The following ULK4 variants were observed in gnomAD, a reference collection of about 807,000 sequenced individuals.
ULK4 encodes unc-51 like kinase 4, also known as inactive serine/threonine-protein kinase ULK4.
Under a neutral mutation model 160.6 loss-of-function variants are expected in ULK4, and 133 were observed. That is an observed-to-expected ratio of 0.83 (90% confidence interval 0.72 to 0.96). The LOEUF is 0.96. Ranked by LOEUF, ULK4 falls within the 40% of genes least tolerant of loss-of-function variation. The pLI, the probability that ULK4 is intolerant of heterozygous loss-of-function variation, is 0.00. For missense variants in ULK4, 1,580 were observed against 1,499.5 expected, an observed-to-expected ratio of 1.05 and a Z score of -0.89; for synonymous variants, 534 against 539.8, an observed-to-expected ratio of 0.99 and a Z score of 0.15.
intron 32 of ULK4, among the ~76,000 whole-genome samples, chr3:41,557,993 A>C (rs2087365829): frequency 6.6e-6 from 1 of 152,120 alleles, no homozygotes. Context: ...ATCCAAAGAC[A>C]AGCAATCTCA....
intron 17 of ULK4, among the ~76,000 whole-genome samples, chr3:41,854,429 T>A (rs963890480): frequency 6.6e-6 from 1 of 152,076 alleles, no homozygotes; most frequent in African/African-American, 2.4e-5. Context: ...GATCTGGGAT[T>A]AGTAAAGGCC....
At chr3:41,421,028 T>A (rs1399241925) in intron 34 of ULK4, among the ~76,000 whole-genome samples, 1 of 151,632 alleles carries the variant, frequency 6.6e-6, no homozygotes, top group African/African-American at 2.4e-5. Context: ...GCAGAAGAAT[T>A]GCTTGAGCCT....
At chr3:41,438,928 G>A (rs1435998156) in intron 34 of ULK4, among the ~76,000 whole-genome samples, 1 of 151,186 alleles carries the variant, frequency 6.6e-6, no homozygotes, top group Non-Finnish European at 1.5e-5. Flanking sequence ...ATTCCATATG[G>A]TTAGCATAAT....
chr3:41,371,322 G>T (rs1382162905), intron 35 of ULK4, among the ~76,000 whole-genome samples: 1 of 152,184 alleles, frequency 6.6e-6, no homozygotes, highest in East Asian at 1.9e-4. Flanking sequence ...TCCTCAAGTG[G>T]GTCCCTGACC....
intron 30 of ULK4, among the ~76,000 whole-genome samples, chr3:41,640,498 C>A (rs535346016): frequency 6.6e-6 from 1 of 152,174 alleles, no homozygotes; most frequent in Non-Finnish European, 1.5e-5. Flanking sequence ...AAGCCTAAGG[C>A]TCTTCCTAGC....
At chr3:41,449,300 C>A (rs565426633) in intron 34 of ULK4, among the ~76,000 whole-genome samples, 1 of 152,064 alleles carries the variant, frequency 6.6e-6, no homozygotes, top group Admixed American at 6.6e-5. Flanking sequence ...TGGGCTCAAG[C>A]GATCCTCTTG....
chr3:41,271,025 C>A lies in ULK4; in HGVS notation c.3679-21451G>T, dbSNP rs575307518. 3.3e-5 allele frequency among the ~76,000 whole-genome samples: 5 copies of A among 152,172 alleles called. No individual in the cohort carries two copies. The East Asian group carries it at 5.8e-4, about 18-fold the overall frequency. ...ATTTTTCTATGTCCTTTTTCTATGT[C>A]TTTCTCACATTCTACTCTGTCTTAA... On this transcript the variant is annotated intron_variant, in intron 35 of 36. Coordinates refer to ENST00000301831, the MANE Select transcript of ULK4 (RefSeq NM_017886.4).
At chr3:41,917,133 A>G (rs1368515421) in intron 7 of ULK4, among the ~76,000 whole-genome samples, 7 of 152,226 alleles carry the variant, frequency 4.6e-5, no homozygotes, top group Non-Finnish European at 1.0e-4. Context: ...GACACTGTCC[A>G]ATACCACTAA....
At chr3:41,838,720 C>G (rs900100304) in intron 17 of ULK4, among the ~76,000 whole-genome samples, 2 of 152,150 alleles carry the variant, frequency 1.3e-5, no homozygotes, top group East Asian at 3.8e-4. Context: ...TATCACTCAA[C>G]AAAAGAGCTG....
intron 22 of ULK4, among the ~76,000 whole-genome samples, chr3:41,751,762 CAGA>C (rs904670643): frequency 2.0e-5 from 3 of 152,138 alleles, no homozygotes; most frequent in African/African-American, 7.2e-5. Context: ...GAGTGGCTCT[CAGA>C]AGAAGTAAAC....
chr3:41,709,273 A>G (rs1234260772), intron 25 of ULK4, among the ~76,000 whole-genome samples: 1 of 152,270 alleles, frequency 6.6e-6, no homozygotes, highest in Non-Finnish European at 1.5e-5. Flanking sequence ...TAGGTTATAA[A>G]GAAAATCAGA....
intron 31 of ULK4, among the ~76,000 whole-genome samples, chr3:41,575,898 T>G (rs1245742384): frequency 3.3e-5 from 5 of 152,186 alleles, no homozygotes; most frequent in Non-Finnish European, 7.3e-5. Flanking sequence ...AATGTGGCCC[T>G]ATGCCTCGAG....
chr3:41,591,620 A>G (rs1226742613), intron 31 of ULK4, among the ~76,000 whole-genome samples: 1 of 152,238 alleles, frequency 6.6e-6, no homozygotes, highest in Non-Finnish European at 1.5e-5. Flanking sequence ...AAAGGAATGA[A>G]GGTCTCCTAA....
chr3:41,370,478 T>C (rs2081341112), intron 35 of ULK4, among the ~76,000 whole-genome samples: 1 of 152,132 alleles, frequency 6.6e-6, no homozygotes, highest in Non-Finnish European at 1.5e-5. Flanking sequence ...ACTGGTTAAC[T>C]GGTTAGACAG....
intron 30 of ULK4, among the ~76,000 whole-genome samples, chr3:41,626,424 T>C (rs549066548): frequency 5.8e-4 from 89 of 152,270 alleles, no homozygotes; most frequent in South Asian, 1.7e-3. Context: ...CAAGCACAAA[T>C]TGATCTTAAG....
chr3:41,325,996 G>A (rs957687641), intron 35 of ULK4, among the ~76,000 whole-genome samples: 2 of 152,030 alleles, frequency 1.3e-5, no homozygotes, highest in African/African-American at 4.8e-5. Flanking sequence ...ATAAACAAAT[G>A]GATAAGTAAT....
chr3:41,751,543 T>G (rs1407605886), intron 22 of ULK4, among the ~76,000 whole-genome samples: 1 of 152,074 alleles, frequency 6.6e-6, no homozygotes, highest in East Asian at 1.9e-4. Flanking sequence ...AGAGTGGAGG[T>G]CAGTGTCAGG....
At position 41,431,547 on chromosome 3, in the gene ULK4, C is replaced by CATTTTTTTTTTT. The variant is rs563543377; in HGVS notation, c.3492+23949_3492+23950insAAAAAAAAAAAT. Among the ~76,000 whole-genome samples, 69 of 95,860 alleles carry CATTTTTTTTTTT rather than the reference C, an allele frequency of 7.2e-4. 2 individuals are homozygous for CATTTTTTTTTTT. Among genetic ancestry groups the CATTTTTTTTTTT allele is most frequent in the African/African-American group, 2.8e-3 (66 of 23,682 alleles). The allele number at this position is 95,860 out of a possible 152,430, so 62.9% of individuals were successfully genotyped here. Reference sequence around the variant, plus strand: ...CCTGTGAGGTGTTGTAATTCCCTCCCTTTTTTTTTTTTTTTGATGTGGAAA... The same window carrying CATTTTTTTTTTT: ...CCTGTGAGGTGTTGTAATTCCCTCCCATTTTTTTTTTTTTTTTTTTTTTTTTTGATGTGGAAA... On this transcript the variant is annotated intron_variant, in intron 34 of 36. Transcript: ENST00000301831.
intron 32 of ULK4, among the ~76,000 whole-genome samples, chr3:41,531,666 G>A (rs2086324637): frequency 6.6e-6 from 1 of 152,074 alleles, no homozygotes; most frequent in African/African-American, 2.4e-5. Flanking sequence ...AATACTGTAA[G>A]GTGTTTTATT....
Sources: allele counts gnomAD v4.1 joint callset (sites outside exome capture counted in the v4.1 genomes callset), GRCh38; gene constraint gnomAD v4.1.1; transcripts MANE v1.5; gene names NCBI Gene and HGNC (gene_info 2026-07-23, HGNC 2026-07-21).